The following STAT5A variants were observed in gnomAD, a reference collection of about 807,000 sequenced individuals.
STAT5A encodes signal transducer and activator of transcription 5A.
A neutral mutation model predicts 100.2 loss-of-function variants in STAT5A; 26 were observed. The ratio of observed to expected loss-of-function variants is 0.26; its 90% confidence interval spans 0.19 to 0.36. The LOEUF is 0.36. Ranked by LOEUF, STAT5A falls within the 10% of genes least tolerant of loss-of-function variation. The pLI is 1.00. For missense variants in STAT5A, 634 were observed against 1,027.5 expected (o/e 0.62, Z 5.24); for synonymous variants, 330 against 424.3 (o/e 0.78, Z 2.73).
chr17:42,308,413 G>T lies in STAT5A; in HGVS notation c.2062+80G>T, dbSNP rs575212355. 12 of 1,596,258 alleles carry T rather than the reference G, an allele frequency of 7.5e-6. No individual in the cohort carries two copies. In the Admixed American group the frequency reaches 1.0e-4, roughly 14 times the overall value. Reference sequence around the variant, plus strand: ...CATAGACAAAGCCTTGGGCTGCGCCGTGGGGACTTCCCCAGGAGGAGCCTA... The same window carrying T: ...CATAGACAAAGCCTTGGGCTGCGCCTTGGGGACTTCCCCAGGAGGAGCCTA... On this transcript the variant is annotated intron_variant, in intron 16 of 18. Transcript: ENST00000590949. The surrounding 1 kb of genome is among the most constrained non-coding windows in gnomAD (Gnocchi z 4.6).
chr17:42,288,283 G>GA (rs2080832115), upstream of STAT5A: 1 of 152,126 alleles, frequency 6.6e-6, no homozygotes, highest in African/African-American at 2.4e-5. The surrounding 1 kb of genome is among the most constrained non-coding windows in gnomAD (Gnocchi z 4.8). Context: ...ACTCCCGGGG[G>GA]ACCCCGCCGT....
Position 42,310,565 on chromosome 17 carries a change from G to A in STAT5A, c.2281G>A (p.Ala761Thr), listed in dbSNP as rs778831312. The A allele has an allele frequency of 1.2e-6, 2 of 1,614,216 alleles. No homozygotes were observed. Among genetic ancestry groups the A allele is most frequent in the Admixed American group, 1.7e-5 (1 of 60,030 alleles). The change falls in exon 19 of 19, where the codon GCC becomes ACC. Residue 761 changes from alanine to threonine, a missense_variant. Transcript: ENST00000590949. ...CGACCTGGATGAGACCATGGATGTG[G>A]CCAGGCACGTGGAGGAACTCTTACG... ...EFDLDETMDV[A>T]RHVEELLRRP...
chr17:42,289,001 G>A (rs2144485739), intron 1 of STAT5A, among the ~76,000 whole-genome samples: 1 of 152,342 alleles, frequency 6.6e-6, no homozygotes, highest in Non-Finnish European at 1.5e-5. Flanking sequence ...ACTTCGGGTT[G>A]GAATATCTCC....
At chr17:42,290,430 G>A (rs1423466861) in intron 3 of STAT5A, among the ~76,000 whole-genome samples, 1 of 152,176 alleles carries the variant, frequency 6.6e-6, no homozygotes, top group Non-Finnish European at 1.5e-5. Flanking sequence ...CAAGGGCTTT[G>A]AATTGAGGGT....
At chr17:42,309,340 C>G (rs1239997216) in intron 17 of STAT5A, 37 bp from the exon 18 acceptor site, 1 of 1,610,090 alleles carries the variant, frequency 6.2e-7, no homozygotes, top group South Asian at 1.1e-5. Context: ...GCCCCGGCCT[C>G]CCTGGTGGCT....
rs200025445 is a variant in STAT5A at position 42,309,414 on chromosome 17, G to A, written c.2152G>A (p.Ala718Thr). 444 of 1,613,254 alleles carry A rather than the reference G, an allele frequency of 2.8e-4. 1 individual carries two copies. Among genetic ancestry groups the A allele is most frequent in the Admixed American group, 7.2e-4 (43 of 60,008 alleles). Residue 718 changes from alanine to threonine, a missense_variant, in exon 18 of 19, where the codon GCC (alanine) becomes ACC (threonine). Physicochemically the swap from Ala to Thr is moderately conservative, Grantham distance 58. Around this residue, in one of 5 missense-constraint regions of STAT5A, gnomAD observed 210 missense variants for 428.4 expected, o/e 0.49. Transcript: ENST00000590949. ...ATCTGCAGATGCTGGGGGCAGCAGC[G>A]CCACGTACATGGACCAGGCCCCCTC... ...NASADAGGSSATYMDQAPSPA... is the reference protein window; with the variant it reads ...NASADAGGSSTTYMDQAPSPA...
chr17:42,291,736 A>AAG (rs2080870871), intron 3 of STAT5A, among the ~76,000 whole-genome samples: 1 of 152,026 alleles, frequency 6.6e-6, no homozygotes, highest in African/African-American at 2.4e-5. Context: ...AAAAAAAAAA[A>AAG]AGAGAAAGTG....
chr17:42,309,658 G>T, intron 18 of STAT5A, 174 bp downstream of exon 18: 2 of 619,954 alleles, frequency 3.2e-6, no homozygotes. Context: ...GCAGGGTCAA[G>T]TCCTCACTCT....
chr17:42,292,214 C>T (rs974862895), intron 4 of STAT5A, among the ~76,000 whole-genome samples, 153 bp downstream of exon 4: 8 of 152,168 alleles, frequency 5.3e-5, no homozygotes, highest in African/African-American at 1.4e-4. Context: ...CAGCATTGCA[C>T]GCCGGGGTGG....
Position 42,301,479 on chromosome 17 carries a change from G to A in STAT5A, c.1169+25G>A, listed in dbSNP as rs368596198. On this transcript the variant is annotated intron_variant, in intron 9 of 18. Coordinates refer to ENST00000590949, the MANE Select transcript of STAT5A (RefSeq NM_001288718.2). The stretch of plus-strand genomic sequence containing the variant: ...AGTAATTGTGCCTCTCCCTTCCCCT[G>A]CCCAAGCTTAGGTGTGGGGGACCTG... 6.8e-5 allele frequency: 109 copies of A among 1,613,486 alleles called. No homozygotes were observed. In the African/African-American group the frequency reaches 1.4e-3, roughly 21 times the overall value.
intron 18 of STAT5A, among the ~76,000 whole-genome samples, chr17:42,310,243 G>T (rs1207911067): frequency 6.6e-6 from 1 of 152,274 alleles, no homozygotes. Flanking sequence ...TCAGCCACCT[G>T]GTTTTAAGAT....
intron 13 of STAT5A, 105 bp downstream of exon 13, chr17:42,306,552 C>A: frequency 1.3e-6 from 2 of 1,509,804 alleles, no homozygotes; most frequent in Non-Finnish European, 1.8e-6. Flanking sequence ...ACTCTCCACC[C>A]CCAACCACTC....
chr17:42,307,764 G>GGA, intron 15 of STAT5A, 41 bp downstream of exon 15: 1 of 1,601,938 alleles, frequency 6.2e-7, no homozygotes, highest in South Asian at 1.1e-5. Flanking sequence ...CCAAGGCCCG[G>GGA]TCTCTTGTTC....
Position 42,298,134 on chromosome 17 carries a change from A to G in STAT5A, c.551-1617A>G, listed in dbSNP as rs573507699. ...TGATACACAGGCGCCCTTGTGTTCC[A>G]CATCCCCTGTGTCTTACGTATTTCA... On this transcript the variant is annotated intron_variant, in intron 5 of 18. Transcript: ENST00000590949. Among the ~76,000 whole-genome samples, 8 of 150,818 alleles carry G rather than the reference A, an allele frequency of 5.3e-5. No individual in the cohort carries two copies. In the South Asian group the frequency reaches 1.5e-3, roughly 28 times the overall value.
Position 42,288,977 on chromosome 17 carries a change from G to C in STAT5A, c.-11+379G>C, listed in dbSNP as rs1483181502. Among the ~76,000 whole-genome samples, 1 of 152,224 alleles carries C rather than the reference G, an allele frequency of 6.6e-6. No homozygotes were observed. The highest frequency in any genetic ancestry group is 1.5e-5 in the Non-Finnish European group (1 of 68,032). On this transcript the variant is annotated intron_variant, in intron 1 of 18. Transcript: ENST00000590949. This position sits in a 1 kb window ranked among gnomAD's most constrained non-coding sequence, Gnocchi z 4.8. ...CCCTAGCCGTCGAGTGGGAGCCGTCGTGGCGCTGGCCTAACTTCGGGTTGG... is the reference window on the plus strand; with the variant it reads ...CCCTAGCCGTCGAGTGGGAGCCGTCCTGGCGCTGGCCTAACTTCGGGTTGG...
intron 13 of STAT5A, among the ~76,000 whole-genome samples, chr17:42,306,724 CT>C (rs373460271): frequency 2.0e-3 from 289 of 143,614 alleles, no homozygotes; most frequent in Admixed American, 1.9e-3. Flanking sequence ...TGCTAATTTT[CT>C]TTTTTTTTTT....
rs2080834998 is a variant in STAT5A, at chr17:42,288,516, C to G, written c.-93C>G. 6.5e-6 allele frequency: 1 copy of G among 153,616 alleles called. No individual in the cohort carries two copies. The highest frequency in any genetic ancestry group is 2.4e-5 in the African/African-American group (1 of 41,438). The allele number at this position is 153,616 out of a possible 1,614,324, so 9.5% of individuals were successfully genotyped here. A position where few individuals can be genotyped will look rare whatever the true frequency, so the allele number is the denominator to read the frequency against. Reference sequence around the variant, plus strand: ...TTCCTGTAGTAACAGCCGCCGCTGCCGCCGCCGCCAGGAACCCCGGCCGGG... The same window carrying G: ...TTCCTGTAGTAACAGCCGCCGCTGCGGCCGCCGCCAGGAACCCCGGCCGGG... On this transcript the variant is annotated 5_prime_UTR_variant, in exon 1 of 19. Coordinates refer to ENST00000590949, the MANE Select transcript of STAT5A (RefSeq NM_001288718.2). This position sits in a 1 kb window ranked among gnomAD's most constrained non-coding sequence, Gnocchi z 4.8.
chr17:42,310,981 C>T lies in STAT5A; in HGVS notation c.*312C>T. 2.8e-6 allele frequency: 1 copy of T among 363,398 alleles called. No individual in the cohort carries two copies. The highest frequency in any genetic ancestry group is 5.0e-5 in the East Asian group (1 of 19,880). 22.5% of individuals were successfully genotyped at this position (363,398 alleles called of 1,614,324 possible). Reference sequence around the variant, plus strand: ...AGCCAGACCTATTCCTCCTGGGCCCCTCATCTGCTCAGCAGCTATTTGAAT... The same window carrying T: ...AGCCAGACCTATTCCTCCTGGGCCCTTCATCTGCTCAGCAGCTATTTGAAT... On this transcript the variant is annotated 3_prime_UTR_variant, in exon 19 of 19. Coordinates refer to ENST00000590949, the MANE Select transcript of STAT5A (RefSeq NM_001288718.2).
intron 5 of STAT5A, among the ~76,000 whole-genome samples, chr17:42,299,464 G>C (rs1264796089): frequency 1.3e-5 from 2 of 152,214 alleles, no homozygotes; most frequent in African/African-American, 4.8e-5. Context: ...TGGCAGCCCT[G>C]TGAGGCAGGC....
Sources: allele counts gnomAD v4.1 joint callset (sites outside exome capture counted in the v4.1 genomes callset), GRCh38; gene constraint gnomAD v4.1.1; regional missense constraint gnomAD v4.1.1; non-coding constraint Gnocchi (gnomAD v3.1); transcripts MANE v1.5; gene names NCBI Gene and HGNC (gene_info 2026-07-23, HGNC 2026-07-21).